PLXNA2: variants seen among roughly 807,000 people sequenced by gnomAD.
PLXNA2 encodes plexin-A2.
Under a neutral mutation model 193.5 loss-of-function variants are expected in PLXNA2, and 91 were observed. The observed-to-expected ratio is 0.47, with a 90% CI of 0.40 to 0.56. The LOEUF is 0.56. Among genes scored for constraint, PLXNA2 ranks in the 20% least tolerant of loss-of-function variants. PLXNA2 has a pLI of 0.00. For synonymous variants in PLXNA2, 997 were observed against 1,027.3 expected (o/e 0.97, Z 0.56); for missense variants, 1,995 against 2,503.2 (o/e 0.80, Z 4.33).
At chr1:208,098,468 A>T (rs903780818) in intron 6 of PLXNA2, among the ~76,000 whole-genome samples, 6 of 148,310 alleles carry the variant, frequency 4.0e-5, no homozygotes, top group Middle Eastern at 3.5e-3. Context: ...TCACACACAC[A>T]CACACACACA....
At chr1:208,154,674 T>C (rs1668882393) in intron 3 of PLXNA2, among the ~76,000 whole-genome samples, 2 of 152,240 alleles carry the variant, frequency 1.3e-5, no homozygotes, top group Non-Finnish European at 2.9e-5. Context: ...AGTCTCTTCA[T>C]AGATTTTTTT....
At chr1:208,084,904 G>C (rs1040833186) in intron 9 of PLXNA2, among the ~76,000 whole-genome samples, 2 of 152,108 alleles carry the variant, frequency 1.3e-5, no homozygotes, top group Non-Finnish European at 2.9e-5. Flanking sequence ...TCCCCAACCT[G>C]GCACCCCTAC....
intron 3 of PLXNA2, among the ~76,000 whole-genome samples, chr1:208,184,852 G>T (rs532850133): frequency 2.6e-5 from 4 of 152,100 alleles, no homozygotes; most frequent in African/African-American, 9.7e-5. Flanking sequence ...AGGCTTAAGC[G>T]GGGGGCCAGC....
At chr1:208,144,004 C>G (rs1385638108) in intron 3 of PLXNA2, among the ~76,000 whole-genome samples, 1 of 152,228 alleles carries the variant, frequency 6.6e-6, no homozygotes, top group African/African-American at 2.4e-5. Context: ...CACCAACTGA[C>G]AGCATATCCT....
chr1:208,128,413 T>G lies in PLXNA2; in HGVS notation c.1506+13916A>C, dbSNP rs188979220. Among the ~76,000 whole-genome samples the G allele has an allele frequency of 6.0e-4, 92 of 152,314 alleles. 2 individuals carry two copies. Among genetic ancestry groups the G allele is most frequent in the African/African-American group, 2.0e-3 (85 of 41,566 alleles). ...ATGGCTGAGGGTTTGGCTCTCACACTGTCCCAGGCATTGTATAGGGATTTC... is the reference window on the plus strand; with the variant it reads ...ATGGCTGAGGGTTTGGCTCTCACACGGTCCCAGGCATTGTATAGGGATTTC... On this transcript the variant is annotated intron_variant, in intron 4 of 31. Transcript: ENST00000367033.
In PLXNA2 at chr1:208,049,290, G is replaced by A. The variant is rs367758697; in HGVS notation, c.3255+1719C>T. ...CAATAAAACCTATATTTTAAAACAT[G>A]TACCTAATTTGCTTGCTTTTTTTTT... is the stretch of plus-strand genomic sequence containing the variant. On this transcript the variant is annotated intron_variant, in intron 17 of 31. Coordinates refer to ENST00000367033, the MANE Select transcript of PLXNA2 (RefSeq NM_025179.4). Among the ~76,000 whole-genome samples, 91 of 144,674 alleles carry A rather than the reference G, an allele frequency of 6.3e-4. 1 individual carries two copies. The highest frequency in any genetic ancestry group is 2.0e-3 in the African/African-American group (78 of 39,232). 94.9% of individuals were successfully genotyped at this position (144,674 alleles called of 152,430 possible).
rs903901345 is a variant in PLXNA2, at chr1:208,128,695, C to T, written c.1506+13634G>A. Among the ~76,000 whole-genome samples the T allele has an allele frequency of 9.8e-5, 8 of 81,672 alleles. No homozygotes were observed. The South Asian group carries it at 3.7e-3, about 38-fold the overall frequency. The allele number at this position is 81,672 out of a possible 152,430, so 53.6% of individuals were successfully genotyped here. ...TCCAACAAGTGTTTCCTGTTTCTTTCTTTTTTTTTTTTTTTTTTTTTTTTG... is the reference window on the plus strand; with the variant it reads ...TCCAACAAGTGTTTCCTGTTTCTTTTTTTTTTTTTTTTTTTTTTTTTTTTG... On this transcript the variant is annotated intron_variant, in intron 4 of 31. Transcript: ENST00000367033.
chr1:208,084,034 C>T (rs996592871), intron 10 of PLXNA2, among the ~76,000 whole-genome samples: 1 of 152,194 alleles, frequency 6.6e-6, no homozygotes, highest in African/African-American at 2.4e-5. Context: ...ACATTGCACG[C>T]CTGTATCAAA....
chr1:208,235,410 A>G (rs1671820844), intron 1 of PLXNA2, among the ~76,000 whole-genome samples: 1 of 152,164 alleles, frequency 6.6e-6, no homozygotes, highest in African/African-American at 2.4e-5. Flanking sequence ...TGTTTCCAGC[A>G]CTTGTCGTTT....
intron 12 of PLXNA2, among the ~76,000 whole-genome samples, chr1:208,067,729 G>A (rs1258901605): frequency 6.6e-6 from 1 of 152,176 alleles, no homozygotes; most frequent in African/African-American, 2.4e-5. Context: ...GTCTAGGTTT[G>A]TGTAAATACA....
chr1:208,126,668 G>T (rs1667983396), intron 4 of PLXNA2, among the ~76,000 whole-genome samples: 1 of 152,148 alleles, frequency 6.6e-6, no homozygotes, highest in Non-Finnish European at 1.5e-5. Flanking sequence ...GAAGGGTAGT[G>T]CCAGGACTCC....
chr1:208,107,643 G>C (rs578179735), intron 4 of PLXNA2, among the ~76,000 whole-genome samples: 1 of 152,138 alleles, frequency 6.6e-6, no homozygotes, highest in Non-Finnish European at 1.5e-5. Context: ...AGTGTCCACC[G>C]CGTCGGGCGC....
intron 3 of PLXNA2, among the ~76,000 whole-genome samples, chr1:208,164,341 C>G (rs1173458211): frequency 6.6e-6 from 1 of 152,166 alleles, no homozygotes; most frequent in Non-Finnish European, 1.5e-5. Flanking sequence ...GAGCTCTGCC[C>G]CTACTCCCTG....
chr1:208,047,733 A>G (rs142825269), intron 17 of PLXNA2, among the ~76,000 whole-genome samples: 2 of 152,350 alleles, frequency 1.3e-5, no homozygotes, highest in Admixed American at 6.5e-5. Context: ...TGTTCAGAAA[A>G]CAAGACTGTG....
intron 11 of PLXNA2, among the ~76,000 whole-genome samples, chr1:208,079,789 GTTT>G (rs398089838): frequency 8.8e-6 from 1 of 113,556 alleles, no homozygotes; most frequent in African/African-American, 3.1e-5. Flanking sequence ...GATAATCGTT[GTTT>G]TTTTTTGTGA....
At chr1:208,037,986 G>A (rs1664727633) in intron 26 of PLXNA2, among the ~76,000 whole-genome samples, 1 of 152,246 alleles carries the variant, frequency 6.6e-6, no homozygotes, top group Non-Finnish European at 1.5e-5. Flanking sequence ...GTGTTAGTAA[G>A]ATGCTAAAGA....
chr1:208,100,242 G>A (rs1323809218), intron 5 of PLXNA2, among the ~76,000 whole-genome samples: 3 of 151,990 alleles, frequency 2.0e-5, no homozygotes, highest in Admixed American at 6.6e-5. Flanking sequence ...GGTGGCACAC[G>A]CCTCTAGTTC....
intron 1 of PLXNA2, among the ~76,000 whole-genome samples, chr1:208,241,101 T>C (rs1226557147): frequency 6.6e-6 from 1 of 152,224 alleles, no homozygotes; most frequent in East Asian, 1.9e-4. Context: ...TGTCACTGGT[T>C]TCCCCTCCTG....
intron 13 of PLXNA2, among the ~76,000 whole-genome samples, chr1:208,058,411 T>A (rs1665511121): frequency 6.6e-6 from 1 of 152,194 alleles, no homozygotes; most frequent in Non-Finnish European, 1.5e-5. Flanking sequence ...ATATGGTGAA[T>A]CATTACCGTG....
Sources: gnomAD v4.1 joint callset for allele counts (sites outside exome capture counted in the v4.1 genomes callset) on GRCh38, gnomAD v4.1.1 for gene constraint, MANE v1.5 for transcripts, NCBI Gene and HGNC (gene_info 2026-07-23, HGNC 2026-07-21) for gene names.